CELF4: variants seen among roughly 807,000 people sequenced by gnomAD.
CELF4 encodes the protein CUGBP Elav-like family member 4, also known as CUG-BP- and ETR-3-like factor 4.
CELF4 carries 18 observed loss-of-function variants against 59.9 expected under a neutral mutation model. The ratio of observed to expected loss-of-function variants is 0.30; its 90% CI spans 0.21 to 0.45. The LOEUF (loss-of-function observed/expected upper bound fraction) is 0.45. CELF4 is among the 20% of genes least tolerant of loss of function. The pLI, the probability that CELF4 is intolerant of heterozygous loss-of-function variation, is 1.00. For missense variants in CELF4, 456 were observed against 689.0 expected, an observed-to-expected ratio of 0.66 and a Z score of 3.79; for synonymous variants, 261 against 267.1, an observed-to-expected ratio of 0.98 and a Z score of 0.22.
At chr18:37,554,573 C>A (rs2099984221) in intron 1 of CELF4, among the ~76,000 whole-genome samples, 1 of 152,178 alleles carries the variant, frequency 6.6e-6, no homozygotes, top group Admixed American at 6.5e-5. Flanking sequence ...CATCATCATG[C>A]CCAGCATGGG....
At chr18:37,248,453 G>T (rs949325711) in intron 12 of CELF4, among the ~76,000 whole-genome samples, 2 of 152,082 alleles carry the variant, frequency 1.3e-5, no homozygotes, top group African/African-American at 4.8e-5. Flanking sequence ...CCTGCAGGGG[G>T]CCATGTGCAA....
intron 3 of CELF4, among the ~76,000 whole-genome samples, chr18:37,289,376 G>A (rs1182080720): frequency 1.3e-5 from 2 of 152,190 alleles, no homozygotes; most frequent in African/African-American, 4.8e-5. Context: ...CTCAGCTCAA[G>A]TGCTCCAGAA....
At chr18:37,345,400 A>G (rs2098216961) in intron 2 of CELF4, among the ~76,000 whole-genome samples, 1 of 152,074 alleles carries the variant, frequency 6.6e-6, no homozygotes, top group African/African-American at 2.4e-5. Context: ...CCAGCAGCCA[A>G]GAGCTGGGCC....
At position 37,243,348 on chromosome 18, in the gene CELF4, G is replaced by A. The variant is rs1203406903; in HGVS notation, c.*1894C>T. 1 of 152,132 alleles carries A rather than the reference G, an allele frequency of 6.6e-6. No individual in the cohort carries two copies. The highest frequency in any genetic ancestry group is 1.5e-5 in the Non-Finnish European group (1 of 68,022). The allele number at this position is 152,132 out of a possible 1,614,324, so 9.4% of individuals were successfully genotyped here. On this transcript the variant is annotated 3_prime_UTR_variant, in exon 13 of 13. Coordinates refer to ENST00000420428, the MANE Select transcript of CELF4 (RefSeq NM_020180.4). ...TTGTTCTTCTAAAGGGAAACTGGTA[G>A]GTCTGAGAACCCCCGGCCTCCAGAT...
At chr18:37,368,539 TCTGA>T (rs2098817491) in intron 2 of CELF4, among the ~76,000 whole-genome samples, 1 of 152,216 alleles carries the variant, frequency 6.6e-6, no homozygotes, top group Admixed American at 6.5e-5. Context: ...TGCTGCTGTC[TCTGA>T]CTGAACCTCT....
At chr18:37,355,211 G>A (rs2098543081) in intron 2 of CELF4, among the ~76,000 whole-genome samples, 1 of 152,196 alleles carries the variant, frequency 6.6e-6, no homozygotes, top group Admixed American at 6.5e-5. Context: ...GTCTGTGAAT[G>A]TGCTCCTTGT....
intron 2 of CELF4, among the ~76,000 whole-genome samples, chr18:37,474,913 T>C (rs1411910773): frequency 6.6e-6 from 1 of 152,218 alleles, no homozygotes; most frequent in Admixed American, 6.5e-5. Context: ...GAGCCCACTT[T>C]GCCCACGCAT....
At chr18:37,295,380 G>A (rs1381138827) in intron 3 of CELF4, among the ~76,000 whole-genome samples, 3 of 152,196 alleles carry the variant, frequency 2.0e-5, no homozygotes, top group Non-Finnish European at 4.4e-5. Flanking sequence ...AAAGGATTAT[G>A]GGTGGCAGGT....
At chr18:37,487,608 G>T (rs918950325) in intron 1 of CELF4, among the ~76,000 whole-genome samples, 3 of 152,158 alleles carry the variant, frequency 2.0e-5, no homozygotes, top group African/African-American at 7.2e-5. Flanking sequence ...GCTGCCGCCT[G>T]CTTCTCCCGG....
In CELF4 at chr18:37,421,241, C is replaced by T. The variant is rs113623626; in HGVS notation, c.369+64284G>A. On this transcript the variant is annotated intron_variant, in intron 2 of 12. Transcript: ENST00000420428. ...AACTAAGGTTCAGAGAGATTGAACA[C>T]GAAGCATGTTATGAGTAGGGCTGGG... Among the ~76,000 whole-genome samples the T allele has an allele frequency of 5.3e-3, 804 of 152,336 alleles. 10 individuals are homozygous for T. Among genetic ancestry groups the T allele is most frequent in the African/African-American group, 0.019 (775 of 41,586 alleles).
chr18:37,462,212 A>G (rs534477839), intron 2 of CELF4, among the ~76,000 whole-genome samples: 2 of 152,070 alleles, frequency 1.3e-5, no homozygotes, highest in Non-Finnish European at 2.9e-5. Flanking sequence ...TGACCCAGAA[A>G]GGCCTCTCTG....
At chr18:37,543,753 G>A (rs2099979374) in intron 1 of CELF4, among the ~76,000 whole-genome samples, 1 of 152,238 alleles carries the variant, frequency 6.6e-6, no homozygotes, top group Non-Finnish European at 1.5e-5. Flanking sequence ...TATTGGCAAT[G>A]AAAATATTTA....
At chr18:37,398,063 C>T (rs2099267929) in intron 2 of CELF4, among the ~76,000 whole-genome samples, 1 of 152,158 alleles carries the variant, frequency 6.6e-6, no homozygotes, top group Admixed American at 6.5e-5. Context: ...GTAAAGGGGC[C>T]CTGAGCCCAT....
At position 37,321,740 on chromosome 18, in the gene CELF4, G is replaced by A. The variant is rs115865988; in HGVS notation, c.448+63C>T. On this transcript the variant is annotated intron_variant, in intron 3 of 12. Coordinates refer to ENST00000420428, the MANE Select transcript of CELF4 (RefSeq NM_020180.4). ...GGGAGTCGCTGCATCGCCTTGCTGC[G>A]TCGGGAAAAGGAGGGAGGAGTGAGA... is the stretch of plus-strand genomic sequence containing the variant. 1,515 of 1,223,050 alleles carry A rather than the reference G, an allele frequency of 1.2e-3. 2 individuals carry two copies. The highest frequency in any genetic ancestry group is 4.2e-3 in the African/African-American group (287 of 67,708). The allele number at this position is 1,223,050 out of a possible 1,614,324, so 75.8% of individuals were successfully genotyped here.
At chr18:37,367,238 G>A (rs898980882) in intron 2 of CELF4, among the ~76,000 whole-genome samples, 1 of 152,148 alleles carries the variant, frequency 6.6e-6, no homozygotes, top group Non-Finnish European at 1.5e-5. Context: ...TGACGAGAGA[G>A]TTGGAGAGCA....
At chr18:37,501,851 G>T (rs1727706739) in intron 1 of CELF4, among the ~76,000 whole-genome samples, 1 of 152,198 alleles carries the variant, frequency 6.6e-6, no homozygotes, top group Admixed American at 6.5e-5. Context: ...TGACCAGCAC[G>T]GGCTGCCTCC....
At chr18:37,467,248 C>T (rs2099811336) in intron 2 of CELF4, among the ~76,000 whole-genome samples, 1 of 152,184 alleles carries the variant, frequency 6.6e-6, no homozygotes, top group Non-Finnish European at 1.5e-5. Context: ...GTACTTCTAC[C>T]ATCTGTCCTT....
In CELF4 at chr18:37,273,079, T is replaced by A; in HGVS notation, c.886A>T (p.Met296Leu). 2.5e-6 allele frequency: 4 copies of A among 1,613,130 alleles called. No homozygotes were observed. In the East Asian group the frequency reaches 8.9e-5, roughly 36 times the overall value. ...NPMAAFAAAQ[M>L]QQMAALNMNG... ...ATGTTGAGGGCCGCCATCTGCTGCA[T>A]CTGGGCGGCAGCGAAGGCAGCCATG... Residue 296 changes from methionine (M) to leucine (L), a missense_variant, in exon 7 of 13, where the codon ATG (methionine) becomes TTG (leucine). This residue lies in a region of CELF4 where 256 missense variants were observed against 340.8 expected (regional missense o/e 0.75). Coordinates refer to ENST00000420428, the MANE Select transcript of CELF4 (RefSeq NM_020180.4).
At chr18:37,398,415 C>T (rs1395637879) in intron 2 of CELF4, among the ~76,000 whole-genome samples, 2 of 152,296 alleles carry the variant, frequency 1.3e-5, no homozygotes, top group African/African-American at 4.8e-5. Flanking sequence ...GCCTCACAGA[C>T]ATAGCTGCTC....
Sources: allele counts gnomAD v4.1 joint callset (sites outside exome capture counted in the v4.1 genomes callset), GRCh38; gene constraint gnomAD v4.1.1; regional missense constraint gnomAD v4.1.1; transcripts MANE v1.5; gene names NCBI Gene and HGNC (gene_info 2026-07-23, HGNC 2026-07-21).